Variants in PPRC1 observed in about 807,000 individuals in gnomAD.
PPRC1 encodes the protein peroxisome proliferator-activated receptor gamma coactivator-related protein 1.
PPRC1 carries 23 observed loss-of-function variants against 132.5 expected under a neutral mutation model. The ratio of observed to expected loss-of-function variants is 0.17; its 90% CI spans 0.12 to 0.25. The LOEUF (loss-of-function observed/expected upper bound fraction) is 0.25. Among genes scored for constraint, PPRC1 ranks in the 10% least tolerant of loss-of-function variants. PPRC1 has a pLI of 1.00. For synonymous variants in PPRC1, 872 were observed against 833.5 expected (o/e 1.05, Z -0.80); for missense variants, 2,006 against 2,089.1 (o/e 0.96, Z 0.78).
At chr10:102,120,852 C>G in the PPRC1 span, among the ~76,000 whole-genome samples, 1 of 152,070 alleles carries the variant, frequency 6.6e-6, no homozygotes, top group African/African-American at 2.4e-5. Context: ...GTATCTCTCT[C>G]CACCCCGGGC....
In PPRC1 at chr10:102,144,926, G is replaced by A. The variant is rs1456990999; in HGVS notation, c.3609-94G>A. ...CAGTTTGTGCATCCCATTCTTCTCTGCACCCACCCCCTCCCATTGATTTCT... is the reference window on the plus strand; with the variant it reads ...CAGTTTGTGCATCCCATTCTTCTCTACACCCACCCCCTCCCATTGATTTCT... On this transcript the variant is annotated intron_variant, in intron 7 of 13. Transcript: ENST00000278070. 1.2e-5 allele frequency: 13 copies of A among 1,041,584 alleles called. No homozygotes were observed. The Admixed American group carries it at 1.8e-4, about 14-fold the overall frequency. The allele number at this position is 1,041,584 out of a possible 1,614,324, so 64.5% of individuals were successfully genotyped here.
chr10:102,133,296 G>A, intron 1 of PPRC1, 75 bp downstream of exon 1: 1 of 1,176,562 alleles, frequency 8.5e-7, no homozygotes, highest in Non-Finnish European at 1.1e-6. Context: ...GACGCCACAG[G>A]AAAGAGAGGA....
At chr10:102,133,345 G>A in intron 1 of PPRC1, 124 bp downstream of exon 1, 1 of 895,164 alleles carries the variant, frequency 1.1e-6, no homozygotes, top group Non-Finnish European at 1.5e-6. Context: ...GCGGGAGCCG[G>A]GCCGGAGCAA....
chr10:102,133,131 G>A lies in PPRC1; in HGVS notation c.63G>A (p.Pro21=), dbSNP rs34756593. ...CGCCCCCGAGTGGGGGCCCCGGTCC[G>A]GACCCTGGCGGGGGAGCCCGCGGCA... The part of the protein sequence containing the change: ...VAPPPSGGPG[P]DPGGGARGSG... Residue 21 remains proline (P), a synonymous_variant, in exon 1 of 14, where the codon CCG becomes CCA. Coordinates refer to ENST00000278070, the MANE Select transcript of PPRC1 (RefSeq NM_015062.5). The A allele has an allele frequency of 4.0e-6, 5 of 1,250,686 alleles. No individual in the cohort carries two copies. The African/African-American group carries it at 6.2e-5, about 15-fold the overall frequency. 77.5% of individuals were successfully genotyped at this position (1,250,686 alleles called of 1,614,324 possible). A position where few individuals can be genotyped will look rare whatever the true frequency, so the allele number is the denominator to read the frequency against.
In PPRC1 at chr10:102,140,547, C is replaced by G; in HGVS notation, c.2039C>G (p.Pro680Arg). 1 of 1,614,074 alleles carries G rather than the reference C, an allele frequency of 6.2e-7. No homozygotes were observed. The highest frequency in any genetic ancestry group is 8.5e-7 in the Non-Finnish European group (1 of 1,180,014). Residue 680 changes from proline (P) to arginine (R), a missense_variant, in exon 5 of 14, where the codon CCA (proline) becomes CGA (arginine). Pro to Arg is a moderately radical substitution (Grantham distance 103). Transcript: ENST00000278070. ...GACCCTGTTCCTAATGACCTGACTC[C>G]AGTTGACCCAGTGCTAGTTAAGTCC... Reference protein sequence around the residue: ...LVDPVPNDLTPVDPVLVKSRP... With the variant: ...LVDPVPNDLTRVDPVLVKSRP...
the PPRC1 span, chr10:102,120,140 C>G: frequency 7.6e-7 from 1 of 1,311,442 alleles, no homozygotes; most frequent in Non-Finnish European, 9.8e-7. Context: ...GGGGGCCCAG[C>G]CGAGTCACGG....
intron 5 of PPRC1, among the ~76,000 whole-genome samples, 192 bp downstream of exon 5, chr10:102,142,196 A>C (rs1354522906): frequency 6.6e-6 from 1 of 150,712 alleles, no homozygotes; most frequent in Non-Finnish European, 1.5e-5. Flanking sequence ...ACTGCCTCCC[A>C]GGTTCAAGCA....
Position 102,139,561 on chromosome 10 carries a change from G to T in PPRC1, c.1053G>T (p.Gln351His). Reference sequence around the variant, plus strand: ...GCGTAGTGCTGGAGATTGTGGGGCAGGCAGCCACAGCTGGCGATGACCTGG... The same window carrying T: ...GCGTAGTGCTGGAGATTGTGGGGCATGCAGCCACAGCTGGCGATGACCTGG... ...EGCVVLEIVG[Q>H]AATAGDDLEI... Residue 351 changes from glutamine to histidine, a missense_variant, in exon 5 of 14, where the codon CAG becomes CAT. Physicochemically the swap from Gln to His is conservative, Grantham distance 24. Transcript: ENST00000278070. 1 of 1,613,940 alleles carries T rather than the reference G, an allele frequency of 6.2e-7. No individual in the cohort carries two copies. Among genetic ancestry groups the T allele is most frequent in the Non-Finnish European group, 8.5e-7 (1 of 1,179,940 alleles).
chr10:102,142,301 CTA>C (rs138828258), intron 5 of PPRC1, among the ~76,000 whole-genome samples: 50,891 of 149,538 alleles, frequency 0.34, 10,779 homozygotes, highest in Non-Finnish European at 0.45. Context: ...CGAGGTTTCA[CTA>C]TGTTGGCCAG....
In PPRC1 at chr10:102,147,266, G is replaced by T. The variant is rs781483493; in HGVS notation, c.4274G>T (p.Arg1425Leu). ...SSQGWQGRRGRNSRSVSSGSN... is the reference protein window; with the variant it reads ...SSQGWQGRRGLNSRSVSSGSN... ...CAGGGCTGGCAGGGCCGCCGAGGCCGCAACAGCCGTTCTGTCAGCTCTGGG... is the reference window on the plus strand; with the variant it reads ...CAGGGCTGGCAGGGCCGCCGAGGCCTCAACAGCCGTTCTGTCAGCTCTGGG... The change falls in exon 9 of 14, where the codon CGC becomes CTC. Residue 1425 changes from arginine (R) to leucine (L), a missense_variant. By Grantham distance (102) the Arg-to-Leu change is moderately radical. This residue lies in a region of PPRC1 where 1,914 missense variants were observed against 1,917.2 expected (regional missense o/e 1.00). Coordinates refer to ENST00000278070, the MANE Select transcript of PPRC1 (RefSeq NM_015062.5). The T allele has an allele frequency of 1.2e-6, 2 of 1,612,890 alleles. No individual in the cohort carries two copies. Among genetic ancestry groups the T allele is most frequent in the Non-Finnish European group, 1.7e-6 (2 of 1,180,030 alleles).
At position 102,144,328 on chromosome 10, in the gene PPRC1, G is replaced by A. The variant is rs753362541; in HGVS notation, c.3608+21G>A. ...TCAGGGTAAGTATGGAGACATGAGC[G>A]AGTTACCCTACAGCTGTTAGTCAGC... is the stretch of plus-strand genomic sequence containing the variant. On this transcript the variant is annotated intron_variant, in intron 7 of 13. Transcript: ENST00000278070. 30 of 1,610,336 alleles carry A rather than the reference G, an allele frequency of 1.9e-5. No individual in the cohort carries two copies. In the South Asian group the frequency reaches 2.3e-4, roughly 12 times the overall value.
chr10:102,122,647 C>CA, the PPRC1 span, among the ~76,000 whole-genome samples: 1 of 152,082 alleles, frequency 6.6e-6, no homozygotes. Context: ...TCATTCCAAA[C>CA]AACTAGCTTG....
At chr10:102,146,558 T>G in intron 8 of PPRC1, 114 bp from the exon 9 acceptor site, 1 of 1,423,026 alleles carries the variant, frequency 7.0e-7, no homozygotes, top group South Asian at 1.5e-5. Flanking sequence ...CTGCTTACCT[T>G]GCTTGGTGTA....
the PPRC1 span, among the ~76,000 whole-genome samples, chr10:102,125,711 A>G: frequency 6.6e-6 from 1 of 152,114 alleles, no homozygotes; most frequent in Non-Finnish European, 1.5e-5. Context: ...ACTCATTCCA[A>G]TAGAGGTAAG....
In PPRC1 at chr10:102,141,579, G is replaced by C; in HGVS notation, c.3071G>C (p.Gly1024Ala). The change falls in exon 5 of 14, where the codon GGC becomes GCC. Residue 1024 changes from glycine to alanine, a missense_variant. Gly to Ala is a moderately conservative substitution (Grantham distance 60). Around this residue, in one of 2 missense-constraint regions of PPRC1, gnomAD observed 1,914 missense variants for 1,917.2 expected, o/e 1.00. Transcript: ENST00000278070. ...PKMESRGTPA[G>A]PPENVLPLSM... is the part of the protein sequence containing the mutation. The stretch of plus-strand genomic sequence containing the variant: ...ATGGAGTCTAGGGGCACTCCAGCTG[G>C]CCCTCCTGAAAATGTACTTCCCTTG... 1.2e-6 allele frequency: 2 copies of C among 1,614,088 alleles called. No homozygotes were observed. Among genetic ancestry groups the C allele is most frequent in the Non-Finnish European group, 1.7e-6 (2 of 1,180,004 alleles).
chr10:102,127,424 A>G, the PPRC1 span, among the ~76,000 whole-genome samples: 1 of 152,072 alleles, frequency 6.6e-6, no homozygotes, highest in East Asian at 1.9e-4. Context: ...GCTCTGTCTC[A>G]AGGTTGAAGT....
At chr10:102,129,169 G>A (rs2068506068), upstream of PPRC1, among the ~76,000 whole-genome samples, 1 of 151,744 alleles carries the variant, frequency 6.6e-6, no homozygotes, top group African/African-American at 2.4e-5. Flanking sequence ...CTGACCTCGT[G>A]ATCCGCCCGC....
At chr10:102,136,451 T>G (rs1240061508) in intron 1 of PPRC1, among the ~76,000 whole-genome samples, 1 of 152,126 alleles carries the variant, frequency 6.6e-6, no homozygotes, top group Non-Finnish European at 1.5e-5. Flanking sequence ...CCTTTTTACT[T>G]CATGTTTCCT....
In PPRC1 at chr10:102,141,479, G is replaced by T. The variant is rs2068975293; in HGVS notation, c.2971G>T (p.Ala991Ser). The T allele has an allele frequency of 6.2e-7, 1 of 1,613,710 alleles. No homozygotes were observed. Among genetic ancestry groups the T allele is most frequent in the African/African-American group, 1.3e-5 (1 of 74,866 alleles). ...PLGWGPGPQH[A>S]PFWSTVPPPP... Reference sequence around the variant, plus strand: ...GGGATGGGGCCCAGGGCCTCAACATGCTCCATTCTGGTCTACTGTTCCCCC... The same window carrying T: ...GGGATGGGGCCCAGGGCCTCAACATTCTCCATTCTGGTCTACTGTTCCCCC... Residue 991 changes from alanine to serine, a missense_variant, in exon 5 of 14, where the codon GCT (alanine) becomes TCT (serine). This residue lies in a region of PPRC1 where 1,914 missense variants were observed against 1,917.2 expected (regional missense o/e 1.00). Coordinates refer to ENST00000278070, the MANE Select transcript of PPRC1 (RefSeq NM_015062.5).
Sources: allele counts gnomAD v4.1 joint callset (sites outside exome capture counted in the v4.1 genomes callset), GRCh38; gene constraint gnomAD v4.1.1; regional missense constraint gnomAD v4.1.1; transcripts MANE v1.5; gene names NCBI Gene and HGNC (gene_info 2026-07-23, HGNC 2026-07-21).